ERBIN: variants seen among roughly 807,000 people sequenced by gnomAD.
The protein encoded by ERBIN is erbb2 interacting protein.
A neutral mutation model predicts 158.4 loss-of-function variants in ERBIN; 60 were observed. That is an observed-to-expected ratio of 0.38 (90% CI 0.31 to 0.47). The LOEUF (loss-of-function observed/expected upper bound fraction) is 0.47. Ranked by LOEUF, ERBIN falls within the 20% of genes least tolerant of loss-of-function variation. ERBIN has a pLI of 0.99. For synonymous variants in ERBIN, 594 were observed against 557.2 expected, an observed-to-expected ratio of 1.07 and a Z score of -0.93; for missense variants, 1,610 against 1,648.0, an observed-to-expected ratio of 0.98 and a Z score of 0.40.
intron 14 of ERBIN, among the ~76,000 whole-genome samples, chr5:66,037,485 G>A (rs1023203326): frequency 1.3e-5 from 2 of 152,256 alleles, no homozygotes; most frequent in South Asian, 2.1e-4. Flanking sequence ...TAGAGCTACC[G>A]TTTCCATTAT....
intron 7 of ERBIN, among the ~76,000 whole-genome samples, chr5:66,017,408 T>C (rs1259199295): frequency 6.6e-6 from 1 of 152,094 alleles, no homozygotes. Flanking sequence ...TGATATTTCA[T>C]TGTAGTTTTC....
intron 1 of ERBIN, among the ~76,000 whole-genome samples, chr5:65,947,717 C>A (rs925453081): frequency 1.3e-5 from 2 of 152,038 alleles, no homozygotes; most frequent in African/African-American, 2.4e-5. Context: ...TGCATTAAAT[C>A]TTAAATAAGC....
At chr5:65,987,780 G>T (rs1363848698) in intron 1 of ERBIN, among the ~76,000 whole-genome samples, 2 of 151,672 alleles carry the variant, frequency 1.3e-5, no homozygotes, top group African/African-American at 4.9e-5. Context: ...AGGAAGTGGA[G>T]GTTGCAGTGA....
intron 2 of ERBIN, among the ~76,000 whole-genome samples, chr5:65,992,291 A>G (rs1330470685): frequency 6.6e-6 from 1 of 152,058 alleles, no homozygotes; most frequent in Non-Finnish European, 1.5e-5. Flanking sequence ...CTGGGACTAC[A>G]GGTGCCCACA....
rs1265971592 is a variant in ERBIN, at chr5:66,023,275, C to T, written c.598-15C>T. ...TTAATTGAATTACTGCTATCCCCTA[C>T]CCTAATCCCAACAGCCTGAAGTACT... is the stretch of plus-strand genomic sequence containing the variant. On this transcript the variant is annotated splice_polypyrimidine_tract_variant and intron_variant, in intron 8 of 25. Transcript: ENST00000284037. 1 of 1,604,422 alleles carries T rather than the reference C, an allele frequency of 6.2e-7. No individual in the cohort carries two copies. Among genetic ancestry groups the T allele is most frequent in the African/African-American group, 1.3e-5 (1 of 74,690 alleles).
At chr5:66,021,461 C>G in intron 8 of ERBIN, 76 bp downstream of exon 8, 1 of 1,102,278 alleles carries the variant, frequency 9.1e-7, no homozygotes, top group Non-Finnish European at 1.3e-6. Context: ...TAATGTATTT[C>G]TCTTACAAAT....
chr5:66,038,642 C>T (rs1439684006), intron 15 of ERBIN, among the ~76,000 whole-genome samples, 160 bp downstream of exon 15: 3 of 152,060 alleles, frequency 2.0e-5, no homozygotes, highest in Non-Finnish European at 4.4e-5. Context: ...GGCACGATTT[C>T]AGGGGTTGAA....
At chr5:66,066,210 T>C (rs1760978886) in intron 21 of ERBIN, among the ~76,000 whole-genome samples, 1 of 152,136 alleles carries the variant, frequency 6.6e-6, no homozygotes, top group Non-Finnish European at 1.5e-5. Context: ...GCTACATAAA[T>C]ATATTACTAA....
intron 4 of ERBIN, among the ~76,000 whole-genome samples, chr5:66,000,030 AATT>A (rs2151071510): frequency 6.6e-6 from 1 of 152,334 alleles, no homozygotes; most frequent in African/African-American, 2.4e-5. Context: ...AGAATTCTAG[AATT>A]ATTGTCACTT....
At chr5:66,058,985 G>T (rs926104140) in intron 21 of ERBIN, among the ~76,000 whole-genome samples, 7 of 151,666 alleles carry the variant, frequency 4.6e-5, no homozygotes, top group African/African-American at 1.7e-4. Flanking sequence ...CTCCAGCTTT[G>T]TTTTTTTTGG....
intron 7 of ERBIN, among the ~76,000 whole-genome samples, chr5:66,019,962 A>G (rs1423366024): frequency 6.6e-6 from 1 of 152,146 alleles, no homozygotes; most frequent in Non-Finnish European, 1.5e-5. Flanking sequence ...TGAACATAGG[A>G]AATTATAATC....
chr5:66,018,024 T>C (rs998870006), intron 7 of ERBIN, among the ~76,000 whole-genome samples: 1 of 152,120 alleles, frequency 6.6e-6, no homozygotes, highest in East Asian at 1.9e-4. Flanking sequence ...GGGTTCTCAA[T>C]TCCTTTCCAT....
intron 1 of ERBIN, among the ~76,000 whole-genome samples, chr5:65,958,614 GGAGAGGGAGACCGTGGGGAGAGGGGGAGA>G (rs1216059501): frequency 6.7e-5 from 9 of 134,810 alleles, no homozygotes; most frequent in African/African-American, 2.7e-4. Context: ...GACCGTGGAA[GGAGAGGGAGACCGTGGGGAGAGGGGGAGA>G]GAGAGGGAGA....
At chr5:66,038,919 G>A (rs993279996) in intron 15 of ERBIN, among the ~76,000 whole-genome samples, 1 of 151,942 alleles carries the variant, frequency 6.6e-6, no homozygotes. Context: ...GCCCGACAAG[G>A]GGGAGTATAC....
chr5:66,047,424 G>A (rs1758555115), intron 18 of ERBIN, among the ~76,000 whole-genome samples: 1 of 151,940 alleles, frequency 6.6e-6, no homozygotes, highest in African/African-American at 2.4e-5. Context: ...GAATAAGTCT[G>A]CAGTGAATTT....
At chr5:65,953,006 C>T (rs1746701394) in intron 1 of ERBIN, among the ~76,000 whole-genome samples, 1 of 152,048 alleles carries the variant, frequency 6.6e-6, no homozygotes. Context: ...ATAATAAGAC[C>T]CTGGGAGGCC....
At chr5:66,073,755 T>C (rs1314682209) in intron 22 of ERBIN, among the ~76,000 whole-genome samples, 1 of 152,234 alleles carries the variant, frequency 6.6e-6, no homozygotes, top group African/African-American at 2.4e-5. Flanking sequence ...TCCCATAATT[T>C]CCTTGTCTAT....
chr5:65,958,255 A>C (rs182087455), intron 1 of ERBIN, among the ~76,000 whole-genome samples: 1 of 152,036 alleles, frequency 6.6e-6, no homozygotes, highest in Admixed American at 6.5e-5. Context: ...GCACTTTGGG[A>C]GGCCAAGGCA....
chr5:65,967,965 G>A (rs985037319), intron 1 of ERBIN, among the ~76,000 whole-genome samples: 1 of 152,192 alleles, frequency 6.6e-6, no homozygotes, highest in Non-Finnish European at 1.5e-5. Context: ...AGGGCAAGTG[G>A]ATGAAAGGAA....
Sources: allele counts gnomAD v4.1 joint callset (sites outside exome capture counted in the v4.1 genomes callset), GRCh38; gene constraint gnomAD v4.1.1; transcripts MANE v1.5; gene names NCBI Gene and HGNC (gene_info 2026-07-23, HGNC 2026-07-21).